Variants in ARHGAP44 observed in about 807,000 individuals in gnomAD.
ARHGAP44 encodes the protein rho GTPase-activating protein 44.
ARHGAP44 carries 43 observed loss-of-function variants against 106.8 expected under a neutral mutation model. The observed-to-expected ratio is 0.40, with a 90% CI of 0.32 to 0.52. The LOEUF is 0.52. Among genes scored for constraint, ARHGAP44 ranks in the 20% least tolerant of loss-of-function variants. The probability of loss-of-function intolerance (pLI) is 0.48; values close to 1 mark genes in which losing one functional copy is unlikely to be tolerated. For synonymous variants in ARHGAP44, 439 were observed against 410.3 expected, an observed-to-expected ratio of 1.07 and a Z score of -0.85; for missense variants, 866 against 1,050.5, an observed-to-expected ratio of 0.82 and a Z score of 2.43.
chr17:12,881,523 G>A (rs961680078), intron 1 of ARHGAP44, among the ~76,000 whole-genome samples: 2 of 151,508 alleles, frequency 1.3e-5, no homozygotes, highest in African/African-American at 2.4e-5. Context: ...CCTTCCTTCT[G>A]TTTCAGTGAC....
intron 1 of ARHGAP44, among the ~76,000 whole-genome samples, chr17:12,813,656 C>T (rs1341562774): frequency 1.3e-5 from 2 of 152,146 alleles, no homozygotes; most frequent in African/African-American, 2.4e-5. Context: ...GAGATGGATG[C>T]TCAGTAACAG....
chr17:12,916,224 G>A (rs537688211), intron 5 of ARHGAP44, among the ~76,000 whole-genome samples: 3 of 152,160 alleles, frequency 2.0e-5, no homozygotes, highest in Non-Finnish European at 4.4e-5. Flanking sequence ...TCTCTTCCCT[G>A]CAGGCATTCC....
chr17:12,917,574 C>T (rs979750863), intron 5 of ARHGAP44, among the ~76,000 whole-genome samples: 4 of 152,100 alleles, frequency 2.6e-5, no homozygotes, highest in African/African-American at 9.7e-5. Context: ...GGGTCTTTCT[C>T]CCAGCCTGCT....
intron 7 of ARHGAP44, among the ~76,000 whole-genome samples, chr17:12,931,725 TC>T (rs2038406284): frequency 6.6e-6 from 1 of 151,820 alleles, no homozygotes; most frequent in African/African-American, 2.4e-5. Flanking sequence ...GGTCTCAATC[TC>T]CTGACCTCAT....
intron 20 of ARHGAP44, chr17:12,986,261 G>T (rs1440619206): frequency 2.6e-5 from 4 of 152,148 alleles, no homozygotes; most frequent in Non-Finnish European, 5.9e-5. Context: ...CCATCTTGGT[G>T]GGTCTTGGTG....
At chr17:12,809,909 A>AGTGT (rs1481927548) in intron 1 of ARHGAP44, among the ~76,000 whole-genome samples, 3 of 152,084 alleles carry the variant, frequency 2.0e-5, no homozygotes, top group Admixed American at 6.5e-5. Context: ...ACTGAGAAGG[A>AGTGT]GCCTGTGAGA....
intron 1 of ARHGAP44, among the ~76,000 whole-genome samples, chr17:12,791,234 A>G (rs2033745995): frequency 6.6e-6 from 1 of 152,176 alleles, no homozygotes; most frequent in Non-Finnish European, 1.5e-5. Flanking sequence ...GTGCTTTAAC[A>G]TGAGGGGGAA....
In ARHGAP44 at chr17:12,825,439, T is replaced by C. The variant is rs1172918824; in HGVS notation, c.53+35548T>C. ...GTTTGTGTGTGTGTGTGTGTGTGTG[T>C]GCATTATAGAGAGAGAGAGATTGAT... On this transcript the variant is annotated intron_variant, in intron 1 of 20. Coordinates refer to ENST00000379672, the MANE Select transcript of ARHGAP44 (RefSeq NM_014859.6). Among the ~76,000 whole-genome samples the C allele has an allele frequency of 3.3e-5, 5 of 150,000 alleles. No individual in the cohort carries two copies. In the East Asian group the frequency reaches 5.9e-4, roughly 18 times the overall value.
chr17:12,894,841 CTG>C (rs2037154252), intron 1 of ARHGAP44, 97 bp from the exon 2 acceptor site: 2 of 1,078,542 alleles, frequency 1.9e-6, no homozygotes, highest in South Asian at 2.9e-5. Context: ...ACTCATGTCT[CTG>C]TTTTTCTGGT....
At chr17:12,888,290 C>T (rs2150908961) in intron 1 of ARHGAP44, among the ~76,000 whole-genome samples, 1 of 152,168 alleles carries the variant, frequency 6.6e-6, no homozygotes, top group East Asian at 1.9e-4. Context: ...AACATTTTTA[C>T]ATGTTATGTT....
chr17:12,963,432 C>A (rs988400620), intron 16 of ARHGAP44, among the ~76,000 whole-genome samples: 1 of 152,220 alleles, frequency 6.6e-6, no homozygotes, highest in Non-Finnish European at 1.5e-5. Flanking sequence ...GTCCCCAGCC[C>A]TCAAGCCCAG....
chr17:12,905,943 C>T (rs1306946397), intron 3 of ARHGAP44, among the ~76,000 whole-genome samples: 1 of 152,184 alleles, frequency 6.6e-6, no homozygotes. Context: ...GTTTCTCAAC[C>T]ATGGCACTAT....
chr17:12,974,128 A>G lies in ARHGAP44; in HGVS notation c.1581A>G (p.Arg527=). 1 of 1,570,034 alleles carries G rather than the reference A, an allele frequency of 6.4e-7. No homozygotes were observed. Among genetic ancestry groups the G allele is most frequent in the Non-Finnish European group, 8.6e-7 (1 of 1,157,722 alleles). Residue 527 remains arginine, a synonymous_variant, in exon 18 of 21, where the codon CGA becomes CGG. Coordinates refer to ENST00000379672, the MANE Select transcript of ARHGAP44 (RefSeq NM_014859.6). ...TCATGGACACAAACTGGGTGGCTCG[A>G]AGAGGCTCCTCGGCCGGTCGGAAAG... ...VRVMDTNWVA[R]RGSSAGRKVS...
At chr17:12,903,572 A>C (rs2037458838) in intron 3 of ARHGAP44, among the ~76,000 whole-genome samples, 1 of 152,100 alleles carries the variant, frequency 6.6e-6, no homozygotes, top group Non-Finnish European at 1.5e-5. Context: ...AATTCTTCTA[A>C]GACTGGATAT....
intron 3 of ARHGAP44, among the ~76,000 whole-genome samples, chr17:12,907,286 A>G (rs911376659): frequency 6.6e-6 from 1 of 152,162 alleles, no homozygotes; most frequent in Non-Finnish European, 1.5e-5. Flanking sequence ...GCTCTTTGAT[A>G]TTTAGCCTGG....
chr17:12,802,947 ATATATATATATATATATATATATTT>A (rs2034147849), intron 1 of ARHGAP44, among the ~76,000 whole-genome samples: 1 of 15,354 alleles, frequency 6.5e-5, no homozygotes, highest in South Asian at 2.6e-3. Flanking sequence ...ATATATATAT[ATATATATATATATATATATATATTT>A]TTTTTTTTTT....
At chr17:12,938,189 A>G (rs2038603376) in intron 7 of ARHGAP44, among the ~76,000 whole-genome samples, 1 of 152,232 alleles carries the variant, frequency 6.6e-6, no homozygotes, top group Admixed American at 6.5e-5. Flanking sequence ...TGACAATATA[A>G]TGACAAGAAG....
chr17:12,968,997 C>T (rs1246070734), intron 16 of ARHGAP44, among the ~76,000 whole-genome samples: 1 of 152,070 alleles, frequency 6.6e-6, no homozygotes. Context: ...TCTCGATCTC[C>T]TGACTTCATG....
At chr17:12,951,246 G>GA (rs1368248404) in intron 12 of ARHGAP44, among the ~76,000 whole-genome samples, 1 of 152,164 alleles carries the variant, frequency 6.6e-6, no homozygotes, top group Non-Finnish European at 1.5e-5. Context: ...ATTTTGACAA[G>GA]AACCCTATGA....
Sources: gnomAD v4.1 joint callset for allele counts (sites outside exome capture counted in the v4.1 genomes callset) on GRCh38, gnomAD v4.1.1 for gene constraint, MANE v1.5 for transcripts, NCBI Gene and HGNC (gene_info 2026-07-23, HGNC 2026-07-21) for gene names.